CSMD1: variants seen among roughly 807,000 people sequenced by gnomAD.
The protein encoded by CSMD1 is CUB and Sushi multiple domains 1.
A neutral mutation model predicts 417.5 loss-of-function variants in CSMD1; 213 were observed. The ratio of observed to expected loss-of-function variants is 0.51; its 90% confidence interval spans 0.46 to 0.57. The LOEUF (loss-of-function observed/expected upper bound fraction) is 0.57. Ranked by LOEUF, CSMD1 falls within the 20% of genes least tolerant of loss-of-function variation. The pLI is 0.00. For synonymous variants in CSMD1, 2,862 were observed against 1,736.8 expected (o/e 1.65, Z -16.11); for missense variants, 6,923 against 4,529.7 (o/e 1.53, Z -15.17).
intron 23 of CSMD1, among the ~76,000 whole-genome samples, chr8:3,310,491 C>T (rs1192182003): frequency 1.3e-5 from 2 of 152,160 alleles, no homozygotes; most frequent in Non-Finnish European, 2.9e-5. Flanking sequence ...GTCCACCTCC[C>T]TATTAATAAC....
chr8:4,166,302 G>A (rs746566059), intron 3 of CSMD1, among the ~76,000 whole-genome samples: 4 of 152,048 alleles, frequency 2.6e-5, no homozygotes, highest in African/African-American at 9.7e-5. Context: ...GGAATATTTT[G>A]TATTATCTTT....
At chr8:3,402,961 G>A (rs943843687) in intron 15 of CSMD1, among the ~76,000 whole-genome samples, 3 of 152,144 alleles carry the variant, frequency 2.0e-5, no homozygotes, top group Middle Eastern at 3.4e-3. Flanking sequence ...GTTTCTCATA[G>A]AAAGTACTGT....
chr8:3,889,695 G>A (rs1289198588), intron 5 of CSMD1, among the ~76,000 whole-genome samples: 2 of 151,212 alleles, frequency 1.3e-5, no homozygotes, highest in South Asian at 4.2e-4. Flanking sequence ...ACTCAACCTG[G>A]ACTTCCTATA....
At chr8:4,765,615 T>C (rs952727623) in intron 1 of CSMD1, among the ~76,000 whole-genome samples, 2 of 152,010 alleles carry the variant, frequency 1.3e-5, no homozygotes, top group African/African-American at 4.8e-5. Flanking sequence ...TGAGAAAAAA[T>C]TGGATGCAAG....
intron 26 of CSMD1, among the ~76,000 whole-genome samples, chr8:3,267,805 C>G (rs141074321): frequency 2.0e-5 from 3 of 152,154 alleles, no homozygotes; most frequent in Non-Finnish European, 4.4e-5. Context: ...GTGCAGAGGC[C>G]GGGGCTGATG....
intron 8 of CSMD1, among the ~76,000 whole-genome samples, chr8:3,589,197 A>C (rs976328620): frequency 6.6e-6 from 1 of 152,206 alleles, no homozygotes; most frequent in East Asian, 1.9e-4. Flanking sequence ...TGAAAAAATT[A>C]AAAATAGAAC....
At chr8:4,670,321 A>G (rs1388262685) in intron 1 of CSMD1, among the ~76,000 whole-genome samples, 1 of 152,146 alleles carries the variant, frequency 6.6e-6, no homozygotes, top group Non-Finnish European at 1.5e-5. Context: ...CCTAGGGAAT[A>G]GCTGACTTTG....
chr8:3,793,147 T>A (rs987949796), intron 5 of CSMD1, among the ~76,000 whole-genome samples: 2 of 152,168 alleles, frequency 1.3e-5, no homozygotes, highest in Non-Finnish European at 2.9e-5. Flanking sequence ...GCTCGAATAA[T>A]TTACCACTTT....
chr8:3,111,932 AG>A (rs1226197971), intron 42 of CSMD1, among the ~76,000 whole-genome samples: 1 of 152,000 alleles, frequency 6.6e-6, no homozygotes, highest in Non-Finnish European at 1.5e-5. Context: ...CCAGACGTCG[AG>A]GGAGTGTTCA....
intron 1 of CSMD1, among the ~76,000 whole-genome samples, chr8:4,858,686 T>C (rs1801950704): frequency 6.7e-6 from 1 of 150,266 alleles, no homozygotes; most frequent in African/African-American, 2.4e-5. Flanking sequence ...GAGAATAAAA[T>C]ACCTAGGAAT....
intron 3 of CSMD1, among the ~76,000 whole-genome samples, chr8:4,103,797 A>C (rs1478653303): frequency 6.6e-6 from 1 of 152,220 alleles, no homozygotes; most frequent in Non-Finnish European, 1.5e-5. Context: ...ACAGAATGAC[A>C]GAAAGGGTAA....
intron 3 of CSMD1, among the ~76,000 whole-genome samples, chr8:4,096,681 A>G: frequency 6.6e-6 from 1 of 152,260 alleles, no homozygotes; most frequent in East Asian, 1.9e-4. Flanking sequence ...CAACAAATTC[A>G]GACTTTCCAA....
At chr8:3,706,023 A>G (rs1051839654) in intron 7 of CSMD1, among the ~76,000 whole-genome samples, 1 of 152,224 alleles carries the variant, frequency 6.6e-6, no homozygotes, top group Non-Finnish European at 1.5e-5. Context: ...TGAGGTGCTG[A>G]AGAGGAAACG....
intron 49 of CSMD1, among the ~76,000 whole-genome samples, chr8:3,077,307 C>T (rs1435501587): frequency 2.0e-5 from 3 of 152,132 alleles, no homozygotes; most frequent in Non-Finnish European, 4.4e-5. Flanking sequence ...GTGCCTAGGT[C>T]CCCCCAAGAC....
At chr8:3,821,647 T>A (rs1344421020) in intron 5 of CSMD1, among the ~76,000 whole-genome samples, 1 of 152,130 alleles carries the variant, frequency 6.6e-6, no homozygotes, top group African/African-American at 2.4e-5. Context: ...CCGGGCATGG[T>A]GGCACATGCC....
chr8:3,311,451 C>T (rs560746405), intron 23 of CSMD1, among the ~76,000 whole-genome samples: 9 of 149,150 alleles, frequency 6.0e-5, no homozygotes, highest in South Asian at 4.2e-4. Context: ...GGTTTCACCA[C>T]GTTGTCTAGG....
At chr8:4,811,870 G>A (rs1798927123) in intron 1 of CSMD1, among the ~76,000 whole-genome samples, 2 of 152,004 alleles carry the variant, frequency 1.3e-5, no homozygotes, top group African/African-American at 2.4e-5. Flanking sequence ...TGCCACAGCT[G>A]CCTCAAATCA....
At chr8:4,455,134 G>A (rs1166012731) in intron 2 of CSMD1, among the ~76,000 whole-genome samples, 2 of 152,130 alleles carry the variant, frequency 1.3e-5, no homozygotes, top group Non-Finnish European at 2.9e-5. Flanking sequence ...ATATCAAAGA[G>A]GATTTGGACA....
chr8:4,643,087 A>G (rs1803304168), intron 1 of CSMD1, among the ~76,000 whole-genome samples: 1 of 152,222 alleles, frequency 6.6e-6, no homozygotes, highest in Non-Finnish European at 1.5e-5. Flanking sequence ...GTGTGTAAAT[A>G]GAGTCCAGGC....
Sources: allele counts gnomAD v4.1 joint callset (sites outside exome capture counted in the v4.1 genomes callset), GRCh38; gene constraint gnomAD v4.1.1; transcripts MANE v1.5; gene names NCBI Gene and HGNC (gene_info 2026-07-23, HGNC 2026-07-21).